The following USP39 variants were observed in gnomAD, a reference collection of about 807,000 sequenced individuals.
USP39 encodes the protein ubiquitin carboxyl-terminal hydrolase 39.
Under a neutral mutation model 66.4 loss-of-function variants are expected in USP39, and 38 were observed. The observed-to-expected ratio is 0.57, with a 90% CI of 0.44 to 0.75. USP39 has a LOEUF of 0.75. Ranked by LOEUF, USP39 falls within the 30% of genes least tolerant of loss-of-function variation. The pLI, the probability that USP39 is intolerant of heterozygous loss-of-function variation, is 0.00. For synonymous variants in USP39, 303 were observed against 274.6 expected, an observed-to-expected ratio of 1.10 and a Z score of -1.02; for missense variants, 608 against 714.4, an observed-to-expected ratio of 0.85 and a Z score of 1.70.
intron 6 of USP39, 54 bp from the exon 7 acceptor site, chr2:85,635,997 AAG>A (rs201820696): frequency 0.12 from 179,985 of 1,560,620 alleles, 11,111 homozygotes; most frequent in South Asian, 0.18. Context: ...TGCATGGTTT[AAG>A]TTAACTCTAA....
upstream of USP39, chr2:85,611,785 C>T (rs1558840686): frequency 6.2e-7 from 1 of 1,611,728 alleles, no homozygotes; most frequent in Non-Finnish European, 8.5e-7. Flanking sequence ...TCATAGTCGT[C>T]CCTGCGGGGA....
At chr2:85,632,146 C>T (rs184287796) in intron 6 of USP39, among the ~76,000 whole-genome samples, 67 of 152,274 alleles carry the variant, frequency 4.4e-4, no homozygotes, top group African/African-American at 1.4e-3. Flanking sequence ...CATATGGTAT[C>T]CTCTAGCATC....
intron 2 of USP39, chr2:85,621,178 C>G (rs1479396523): frequency 1.4e-5 from 3 of 207,470 alleles, no homozygotes; most frequent in African/African-American, 6.8e-5. Context: ...GTACTGTTAC[C>G]TTAGTCTAAC....
At position 85,625,569 on chromosome 2, in the gene USP39, C is replaced by G; in HGVS notation, c.601C>G (p.Gln201Glu). The G allele has an allele frequency of 6.2e-7, 1 of 1,614,028 alleles. No homozygotes were observed. Among genetic ancestry groups the G allele is most frequent in the Non-Finnish European group, 8.5e-7 (1 of 1,179,924 alleles). ...YVLKPTFTKQ[Q>E]IANLDKQAKL... ...GTTGAAGCCCACTTTCACAAAGCAGCAAATTGCAAACTTGGACAAGCAAGC... is the reference window on the plus strand; with the variant it reads ...GTTGAAGCCCACTTTCACAAAGCAGGAAATTGCAAACTTGGACAAGCAAGC... Residue 201 changes from glutamine to glutamate, a missense_variant, in exon 5 of 13, where the codon CAA (glutamine) becomes GAA (glutamate). Physicochemically the swap from Gln to Glu is conservative, Grantham distance 29. Around this residue, in one of 6 missense-constraint regions of USP39, gnomAD observed 115 missense variants for 198.6 expected, o/e 0.58. Transcript: ENST00000323701.
At chr2:85,644,496 G>A (rs1490629828) in intron 10 of USP39, among the ~76,000 whole-genome samples, 3 of 152,030 alleles carry the variant, frequency 2.0e-5, no homozygotes, top group Non-Finnish European at 4.4e-5. Flanking sequence ...CAATAGTGTG[G>A]TCCTGGCTCA....
At chr2:85,615,438 G>A (rs147417904), upstream of USP39, among the ~76,000 whole-genome samples, 3 of 152,186 alleles carry the variant, frequency 2.0e-5, no homozygotes, top group African/African-American at 7.2e-5. Flanking sequence ...TAGCTTCATG[G>A]TAAATCTGCC....
In USP39 at chr2:85,623,770, G is replaced by A. The variant is rs1025002347; in HGVS notation, c.558G>A (p.Leu186=). ...PDNYEIIDSS[L]EDITYVLKPT... is the part of the protein sequence containing the mutation. ...ACTATGAGATCATCGATTCCTCATTGGAGGATATCACGGTGTGTGTCTAAG... is the reference window on the plus strand; with the variant it reads ...ACTATGAGATCATCGATTCCTCATTAGAGGATATCACGGTGTGTGTCTAAG... The change falls in exon 4 of 13, where the codon TTG becomes TTA. Residue 186 remains leucine (L), a synonymous_variant. Coordinates refer to ENST00000323701, the MANE Select transcript of USP39 (RefSeq NM_006590.4). 30 of 1,612,152 alleles carry A rather than the reference G, an allele frequency of 1.9e-5. No individual in the cohort carries two copies. The highest frequency in any genetic ancestry group is 2.3e-5 in the Non-Finnish European group (27 of 1,179,316).
rs558877776 is a variant in USP39, at chr2:85,637,615, G to A, written c.1095+179G>A. ...CATACTAGTGCACTTTTTCAGTTTGGGAGTTAGTGGTTGGATGTACTGTGC... is the reference window on the plus strand; with the variant it reads ...CATACTAGTGCACTTTTTCAGTTTGAGAGTTAGTGGTTGGATGTACTGTGC... On this transcript the variant is annotated intron_variant, in intron 8 of 12. Transcript: ENST00000323701. Among the ~76,000 whole-genome samples the A allele has an allele frequency of 3.3e-5, 5 of 152,278 alleles. No individual in the cohort carries two copies. In the South Asian group the frequency reaches 1.0e-3, roughly 32 times the overall value.
chr2:85,609,388 A>T, upstream of USP39: 3 of 1,600,272 alleles, frequency 1.9e-6, no homozygotes, highest in Non-Finnish European at 2.6e-6. Context: ...AATGATTACT[A>T]CCATGGCCCA....
At chr2:85,636,284 A>G (rs1332091064) in intron 7 of USP39, among the ~76,000 whole-genome samples, 154 bp downstream of exon 7, 3 of 152,130 alleles carry the variant, frequency 2.0e-5, no homozygotes, top group African/African-American at 7.2e-5. Context: ...CCTGGCCAAC[A>G]TGGCGAAACC....
chr2:85,609,650 G>C (rs902114659), upstream of USP39: 3 of 1,578,762 alleles, frequency 1.9e-6, no homozygotes, highest in South Asian at 1.1e-5. Context: ...TGTCCATAGA[G>C]ATGCTGCAGG....
At chr2:85,637,650 T>A (rs1353664355) in intron 8 of USP39, among the ~76,000 whole-genome samples, 1 of 152,206 alleles carries the variant, frequency 6.6e-6, no homozygotes, top group Admixed American at 6.5e-5. Flanking sequence ...CTGGTTTAAG[T>A]GTTCTGGCCA....
At chr2:85,622,950 A>G (rs1453502914) in intron 3 of USP39, among the ~76,000 whole-genome samples, 1 of 152,236 alleles carries the variant, frequency 6.6e-6, no homozygotes, top group Admixed American at 6.5e-5. Flanking sequence ...CATGTAAAAC[A>G]ACCAGTGAGT....
chr2:85,628,250 A>G (rs1675026989), intron 5 of USP39, among the ~76,000 whole-genome samples: 1 of 152,034 alleles, frequency 6.6e-6, no homozygotes, highest in African/African-American at 2.4e-5. Flanking sequence ...GGTTCAAGCG[A>G]TTCTCCTGCC....
intron 11 of USP39, chr2:85,646,277 A>G (rs1676642725): frequency 6.6e-6 from 1 of 152,254 alleles, no homozygotes; most frequent in African/African-American, 2.4e-5. Context: ...TTATTAGCAT[A>G]AATTGTTCTC....
chr2:85,633,792 C>G (rs1293154932), intron 6 of USP39, among the ~76,000 whole-genome samples: 1 of 146,572 alleles, frequency 6.8e-6, no homozygotes, highest in Non-Finnish European at 1.5e-5. Context: ...AAACATTATT[C>G]TGGCTGAGGA....
Position 85,648,669 on chromosome 2 carries a change from G to A in USP39, c.1651-92G>A, listed in dbSNP as rs1676827705. The A allele has an allele frequency of 2.8e-5, 41 of 1,456,588 alleles. No homozygotes were observed. In the South Asian group the frequency reaches 4.3e-4, roughly 15 times the overall value. 90.2% of individuals were successfully genotyped at this position (1,456,588 alleles called of 1,614,324 possible). ...AGCAGATTTGTAAATGGGGTGACAA[G>A]TTGTCCATGGCCTGGCACAGAATAG... On this transcript the variant is annotated intron_variant, in intron 12 of 12. Transcript: ENST00000323701.
At position 85,648,915 on chromosome 2, in the gene USP39, C is replaced by G; in HGVS notation, c.*107C>G. Reference sequence around the variant, plus strand: ...CTGGCTGGTGGGCTTCCTAGGCCAGCCCAGCTTGTATGGGTTCTGGCTACA... The same window carrying G: ...CTGGCTGGTGGGCTTCCTAGGCCAGGCCAGCTTGTATGGGTTCTGGCTACA... On this transcript the variant is annotated 3_prime_UTR_variant, in exon 13 of 13. Transcript: ENST00000323701. 7.3e-7 allele frequency: 1 copy of G among 1,374,260 alleles called. No individual in the cohort carries two copies. Among genetic ancestry groups the G allele is most frequent in the South Asian group, 1.2e-5 (1 of 83,124 alleles). 85.1% of individuals were successfully genotyped at this position (1,374,260 alleles called of 1,614,324 possible).
At chr2:85,612,257 A>G (rs1410608530), upstream of USP39, 2 of 1,442,124 alleles carry the variant, frequency 1.4e-6, no homozygotes, top group Non-Finnish European at 1.9e-6. Flanking sequence ...TCAATAGGAA[A>G]CAAGGACTTC....
Sources: gnomAD v4.1 joint callset for allele counts (sites outside exome capture counted in the v4.1 genomes callset) on GRCh38, gnomAD v4.1.1 for gene constraint, gnomAD v4.1.1 regional missense constraint, MANE v1.5 for transcripts, NCBI Gene and HGNC (gene_info 2026-07-23, HGNC 2026-07-21) for gene names.